Variants in LRP1 observed in about 807,000 individuals in gnomAD.
LRP1 encodes the protein prolow-density lipoprotein receptor-related protein 1.
Under a neutral mutation model 541.5 loss-of-function variants are expected in LRP1, and 51 were observed. The observed-to-expected ratio is 0.09, with a 90% CI of 0.08 to 0.12. LRP1 has a LOEUF of 0.12. LRP1 is among the 10% of genes least tolerant of loss of function. The pLI, the probability that LRP1 is intolerant of heterozygous loss-of-function variation, is 1.00. For missense variants in LRP1, 3,878 were observed against 6,376.2 expected, an observed-to-expected ratio of 0.61 and a Z score of 13.34; for synonymous variants, 2,219 against 2,470.8, an observed-to-expected ratio of 0.90 and a Z score of 3.02.
At position 57,202,461 on chromosome 12, in the gene LRP1, C is replaced by T; in HGVS notation, c.10635C>T (p.Asn3545=). Residue 3545 remains asparagine, a synonymous_variant, in exon 68 of 89, where the codon AAC becomes AAT. Coordinates refer to ENST00000243077, the MANE Select transcript of LRP1 (RefSeq NM_002332.3). The part of the protein sequence containing the change: ...TCEPYQFRCK[N]NRCVPGRWQC... ...AGCCATACCAGTTCCGCTGCAAGAA[C>T]AACCGCTGCGTGCCCGGCCGCTGGC... The T allele has an allele frequency of 6.2e-7, 1 of 1,613,684 alleles. No homozygotes were observed. The highest frequency in any genetic ancestry group is 8.5e-7 in the Non-Finnish European group (1 of 1,180,012).
rs1257171114 is a variant in LRP1 at position 57,179,758 on chromosome 12, C to G, written c.4967-24C>G. On this transcript the variant is annotated intron_variant, in intron 29 of 88. Coordinates refer to ENST00000243077, the MANE Select transcript of LRP1 (RefSeq NM_002332.3). This position sits in a 1 kb window ranked among gnomAD's most constrained non-coding sequence, Gnocchi z 6.8. ...CCACTGCCCTGCAGACACCCAACAA[C>G]TGACTCCCTACTTGTGCCCCCAGAC... 8.1e-6 allele frequency: 13 copies of G among 1,609,552 alleles called. No homozygotes were observed. Among genetic ancestry groups the G allele is most frequent in the Non-Finnish European group, 1.0e-5 (12 of 1,177,286 alleles).
At position 57,178,882 on chromosome 12, in the gene LRP1, G is replaced by C; in HGVS notation, c.4607-8G>C. 1 of 1,608,544 alleles carries C rather than the reference G, an allele frequency of 6.2e-7. No individual in the cohort carries two copies. The highest frequency in any genetic ancestry group is 8.5e-7 in the Non-Finnish European group (1 of 1,178,222). The stretch of plus-strand genomic sequence containing the variant: ...TCTGGCTTCTTCTCTTCTCCACCCT[G>C]CCCCCAGCTCCCAATCCCTGTGAGG... On this transcript the variant is annotated splice_region_variant and splice_polypyrimidine_tract_variant and intron_variant, in intron 27 of 88. Transcript: ENST00000243077. This position sits in a 1 kb window ranked among gnomAD's most constrained non-coding sequence, Gnocchi z 5.8.
chr12:57,136,395 G>GCA (rs780129288), intron 1 of LRP1, among the ~76,000 whole-genome samples: 1 of 99,104 alleles, frequency 1.0e-5, no homozygotes, highest in Non-Finnish European at 2.0e-5. Flanking sequence ...CCTCCTAAGA[G>GCA]CCCCCCCCCC....
Position 57,210,329 on chromosome 12 carries a change from C to A in LRP1, c.12603C>A (p.Asn4201Lys). The change falls in exon 82 of 89, where the codon AAC (asparagine) becomes AAA (lysine). Residue 4201 changes from asparagine (N) to lysine (K), a missense_variant. By Grantham distance (94) the Asn-to-Lys change is moderately conservative. This residue lies in a region of LRP1 where 871 missense variants were observed against 1,212.4 expected (regional missense o/e 0.72). Coordinates refer to ENST00000243077, the MANE Select transcript of LRP1 (RefSeq NM_002332.3). ...PPDAPRPGTCNLQCFNGGSCF... is the reference protein window; with the variant it reads ...PPDAPRPGTCKLQCFNGGSCF... Reference sequence around the variant, plus strand: ...CAGCTCCCCGGCCTGGAACCTGTAACCTGCAGTGCTTCAACGGTGGCAGCT... The same window carrying A: ...CAGCTCCCCGGCCTGGAACCTGTAAACTGCAGTGCTTCAACGGTGGCAGCT... 1 of 1,572,292 alleles carries A rather than the reference C, an allele frequency of 6.4e-7. No homozygotes were observed. The highest frequency in any genetic ancestry group is 1.2e-5 in the South Asian group (1 of 83,700).
chr12:57,138,231 G>T (rs1459749952), intron 1 of LRP1, among the ~76,000 whole-genome samples: 1 of 152,062 alleles, frequency 6.6e-6, no homozygotes, highest in Non-Finnish European at 1.5e-5. Context: ...ACTTGGAGGG[G>T]TGCAGTAAAA....
chr12:57,143,718 A>G lies in LRP1; in HGVS notation c.368A>G (p.His123Arg), dbSNP rs777860624. Residue 123 changes from histidine to arginine, a missense_variant, in exon 4 of 89, where the codon CAT (histidine) becomes CGT (arginine). Transcript: ENST00000243077. ...TGCTCTCGCCTGGGCTGCCAGCACC[A>G]TTGTGTCCCCACACTCGATGGGCCC... is the stretch of plus-strand genomic sequence containing the variant. ...GNCSRLGCQH[H>R]CVPTLDGPTC... 2 of 1,614,130 alleles carry G rather than the reference A, an allele frequency of 1.2e-6. No homozygotes were observed. Among genetic ancestry groups the G allele is most frequent in the Non-Finnish European group, 8.5e-7 (1 of 1,179,988 alleles).
chr12:57,202,543 T>TGGGGCCCCCCCCC lies in LRP1; in HGVS notation c.10711+6_10711+7insGGGGCCCCCCCCC. 2 of 1,523,618 alleles carry TGGGGCCCCCCCCC rather than the reference T, an allele frequency of 1.3e-6. No individual in the cohort carries two copies. Among genetic ancestry groups the TGGGGCCCCCCCCC allele is most frequent in the East Asian group, 2.5e-5 (1 of 40,540 alleles). 94.4% of individuals were successfully genotyped at this position (1,523,618 alleles called of 1,614,324 possible). A position where few individuals can be genotyped will look rare whatever the true frequency, so the allele number is the denominator to read the frequency against. ...CTCCGATGAAGAGAGCTGCAGTACG[T>TGGGGCCCCCCCCC]CCCCACCCACCCAGCCCCGCATGAG... On this transcript the variant is annotated splice_region_variant and intron_variant, in intron 68 of 88. Coordinates refer to ENST00000243077, the MANE Select transcript of LRP1 (RefSeq NM_002332.3).
chr12:57,198,495 T>A lies in LRP1; in HGVS notation c.9501T>A (p.His3167Gln), dbSNP rs144384483. 2 of 1,613,952 alleles carry A rather than the reference T, an allele frequency of 1.2e-6. No individual in the cohort carries two copies. Among genetic ancestry groups the A allele is most frequent in the Non-Finnish European group, 1.7e-6 (2 of 1,180,040 alleles). ...TGTACTGGACAGACTGGGGTGACCA[T>A]TCACTGATCGGCCGCATCGGCATGG... is the stretch of plus-strand genomic sequence containing the variant. ...GYLYWTDWGD[H>Q]SLIGRIGMDG... The change falls in exon 60 of 89, where the codon CAT becomes CAA. Residue 3167 changes from histidine to glutamine, a missense_variant. By Grantham distance (24) the His-to-Gln change is conservative. This residue lies in a region of LRP1 where 1,100 missense variants were observed against 1,827.4 expected (regional missense o/e 0.60). Transcript: ENST00000243077.
In LRP1 at chr12:57,183,217, T is replaced by C. The variant is rs1174562457; in HGVS notation, c.5663-162T>C. ...GCCAGGTGCGCTTCCTCCCGGCCCA[T>C]GCTCTGGCCTCAGGCTAGGGTGTGT... On this transcript the variant is annotated intron_variant, in intron 34 of 88. Coordinates refer to ENST00000243077, the MANE Select transcript of LRP1 (RefSeq NM_002332.3). The surrounding 1 kb of genome is among the most constrained non-coding windows in gnomAD (Gnocchi z 6.1). Among the ~76,000 whole-genome samples the C allele has an allele frequency of 2.0e-5, 3 of 152,056 alleles. No individual in the cohort carries two copies. Among genetic ancestry groups the C allele is most frequent in the African/African-American group, 4.8e-5 (2 of 41,396 alleles).
chr12:57,176,144 C>T (rs761765613), intron 24 of LRP1, 38 bp downstream of exon 24: 87 of 1,607,964 alleles, frequency 5.4e-5, no homozygotes, highest in Non-Finnish European at 6.4e-5. Context: ...TGCACACAGG[C>T]GGAGCGCTCA....
Position 57,211,409 on chromosome 12 carries a change from T to A in LRP1, c.13091+59T>A. 1 of 1,608,840 alleles carries A rather than the reference T, an allele frequency of 6.2e-7. No individual in the cohort carries two copies. The highest frequency in any genetic ancestry group is 2.2e-5 in the East Asian group (1 of 44,832). On this transcript the variant is annotated intron_variant, in intron 84 of 88. Coordinates refer to ENST00000243077, the MANE Select transcript of LRP1 (RefSeq NM_002332.3). This position sits in a 1 kb window ranked among gnomAD's most constrained non-coding sequence, Gnocchi z 4.3. Reference sequence around the variant, plus strand: ...CTGGGCCCCTGCCCTGTCCTAGCCCTGCCCTGCCCCTCCCTTCCTCAGCAT... The same window carrying A: ...CTGGGCCCCTGCCCTGTCCTAGCCCAGCCCTGCCCCTCCCTTCCTCAGCAT...
At chr12:57,166,855 G>A (rs1459437058) in intron 17 of LRP1, 75 bp from the exon 18 acceptor site, 2 of 794,618 alleles carry the variant, frequency 2.5e-6, no homozygotes, top group East Asian at 2.4e-5. Context: ...ACCAAAGGCA[G>A]AGAATAATAG....
At chr12:57,192,238 C>A (rs1226774427) in intron 44 of LRP1, among the ~76,000 whole-genome samples, 5 of 152,036 alleles carry the variant, frequency 3.3e-5, no homozygotes, top group Non-Finnish European at 7.4e-5. Context: ...ACCTTTGGAA[C>A]CGCAAAACCC....
intron 76 of LRP1, among the ~76,000 whole-genome samples, chr12:57,207,254 A>G (rs1378360991): frequency 7.3e-6 from 1 of 137,288 alleles, no homozygotes; most frequent in Non-Finnish European, 1.5e-5. Context: ...AAATAAATAA[A>G]TAAATAAATA....
intron 41 of LRP1, 148 bp downstream of exon 41, chr12:57,186,056 T>G (rs1421447973): frequency 1.1e-6 from 1 of 938,890 alleles, no homozygotes; most frequent in African/African-American, 1.7e-5. Flanking sequence ...CGCAGTTACA[T>G]GACTCCTGAT....
chr12:57,149,519 G>A, intron 6 of LRP1: 1 of 630,456 alleles, frequency 1.6e-6, no homozygotes, highest in South Asian at 1.8e-5. Flanking sequence ...CAAGAGAGAT[G>A]TGTTTTAGAG....
At chr12:57,191,585 C>A in intron 44 of LRP1, 73 bp downstream of exon 44, 2 of 1,344,684 alleles carry the variant, frequency 1.5e-6, no homozygotes, top group Non-Finnish European at 2.0e-6. Flanking sequence ...ACACCCCACA[C>A]ACACATCGCA....
intron 6 of LRP1, chr12:57,149,085 G>C (rs2035475447): frequency 1.9e-6 from 1 of 532,072 alleles, no homozygotes; most frequent in African/African-American, 2.0e-5. Context: ...TGAACTGGCT[G>C]CTGCTGCTGG....
chr12:57,128,762 C>T lies in LRP1; in HGVS notation c.-203C>T, dbSNP rs1007347785. 1.5e-5 allele frequency: 7 copies of T among 453,034 alleles called. No individual in the cohort carries two copies. Among genetic ancestry groups the T allele is most frequent in the African/African-American group, 2.0e-5 (1 of 50,034 alleles). 28.1% of individuals were successfully genotyped at this position (453,034 alleles called of 1,614,324 possible). A position where few individuals can be genotyped will look rare whatever the true frequency, so the allele number is the denominator to read the frequency against. On this transcript the variant is annotated 5_prime_UTR_variant, in exon 1 of 89. Coordinates refer to ENST00000243077, the MANE Select transcript of LRP1 (RefSeq NM_002332.3). ...TTTGGATTTCGGGGCAGGGGGCGCA[C>T]CCCCGTCAGCAGGCCCTCCCCAAGG...
Sources: gnomAD v4.1 joint callset for allele counts (sites outside exome capture counted in the v4.1 genomes callset) on GRCh38, gnomAD v4.1.1 for gene constraint, gnomAD v4.1.1 regional missense constraint, Gnocchi (gnomAD v3.1) non-coding constraint, MANE v1.5 for transcripts, NCBI Gene and HGNC (gene_info 2026-07-23, HGNC 2026-07-21) for gene names.